Variants in APBB2 observed in about 807,000 individuals in gnomAD.
The protein encoded by APBB2 is amyloid beta precursor protein binding family B member 2.
Under a neutral mutation model 82.5 loss-of-function variants are expected in APBB2, and 38 were observed. The observed-to-expected ratio is 0.46, with a 90% CI of 0.36 to 0.60. The LOEUF (loss-of-function observed/expected upper bound fraction) is 0.60. Ranked by LOEUF, APBB2 falls within the 20% of genes least tolerant of loss-of-function variation. The probability of loss-of-function intolerance (pLI) is 0.00; values close to 1 mark genes in which losing one functional copy is unlikely to be tolerated. For missense variants in APBB2, 772 were observed against 972.3 expected, an observed-to-expected ratio of 0.79 and a Z score of 2.74; for synonymous variants, 341 against 368.2, an observed-to-expected ratio of 0.93 and a Z score of 0.85.
At chr4:40,909,967 G>A (rs1778099439) in intron 10 of APBB2, among the ~76,000 whole-genome samples, 1 of 152,170 alleles carries the variant, frequency 6.6e-6, no homozygotes, top group African/African-American at 2.4e-5. Context: ...AGGGAACTTA[G>A]TTGAATTGTC....
At chr4:40,922,816 C>G (rs879554221) in intron 10 of APBB2, among the ~76,000 whole-genome samples, 3 of 150,388 alleles carry the variant, frequency 2.0e-5, no homozygotes, top group African/African-American at 7.4e-5. Flanking sequence ...AGGGGGCTCA[C>G]TATGTTGGCC....
chr4:41,050,292 AAG>A (rs1725462385), intron 4 of APBB2, among the ~76,000 whole-genome samples: 1 of 152,216 alleles, frequency 6.6e-6, no homozygotes, highest in East Asian at 1.9e-4. Context: ...ACAAGGAGAT[AAG>A]AGAGATGCTT....
At chr4:40,882,718 G>A (rs1769006883) in intron 12 of APBB2, among the ~76,000 whole-genome samples, 1 of 152,184 alleles carries the variant, frequency 6.6e-6, no homozygotes, top group African/African-American at 2.4e-5. Flanking sequence ...TCACAAAGCT[G>A]AGCGGGGAAG....
At chr4:41,192,422 CT>C (rs1176637082) in intron 1 of APBB2, among the ~76,000 whole-genome samples, 2 of 152,124 alleles carry the variant, frequency 1.3e-5, no homozygotes, top group African/African-American at 4.8e-5. Context: ...GATAAAGAAA[CT>C]GTGATATATT....
rs1784962275 is a variant in APBB2 at position 40,934,611 on chromosome 4, T to C, written c.1193+3A>G. The C allele has an allele frequency of 1.9e-6, 3 of 1,613,258 alleles. No individual in the cohort carries two copies. The highest frequency in any genetic ancestry group is 2.5e-6 in the Non-Finnish European group (3 of 1,179,168). ...CAGCAGGTCGATCCTACTAATGTCC[T>C]ACCTGAGTTTCAAAGATGCATAGCG... On this transcript the variant is annotated splice_donor_region_variant and intron_variant, in intron 9 of 17. Coordinates refer to ENST00000508593, the MANE Select transcript of APBB2 (RefSeq NM_004307.2).
chr4:41,093,226 A>T (rs1273893639), intron 3 of APBB2, among the ~76,000 whole-genome samples: 1 of 152,218 alleles, frequency 6.6e-6, no homozygotes, highest in African/African-American at 2.4e-5. Context: ...ACTCAGGCAC[A>T]CAGAGCATGA....
chr4:41,069,082 C>T (rs148420464), intron 3 of APBB2, among the ~76,000 whole-genome samples: 2 of 152,136 alleles, frequency 1.3e-5, no homozygotes, highest in African/African-American at 4.8e-5. Context: ...GCGTGAGCCA[C>T]CATGCCTGGC....
chr4:41,033,147 A>G lies in APBB2; in HGVS notation c.19+89T>C. The G allele has an allele frequency of 3.5e-6, 3 of 862,860 alleles. No homozygotes were observed. In the East Asian group the frequency reaches 8.0e-5, roughly 23 times the overall value. The allele number at this position is 862,860 out of a possible 1,614,324, so 53.5% of individuals were successfully genotyped here. On this transcript the variant is annotated intron_variant, in intron 5 of 17. Transcript: ENST00000508593. ...ATTAAAAAACATGTTATTTTAGCAA[A>G]TCATAAGTTTAACATTAAACATTAT...
Position 40,906,058 on chromosome 4 carries a change from C to G in APBB2, c.1255-12647G>C, listed in dbSNP as rs573428232. Among the ~76,000 whole-genome samples, 176 of 152,292 alleles carry G rather than the reference C, an allele frequency of 1.2e-3. 1 individual carries two copies. The Middle Eastern group carries it at 0.031, about 26-fold the overall frequency. ...TTGTGTAGCATTAAAGTCATGACATCAACATGCTTTCCTTTTAAGACACAA... is the reference window on the plus strand; with the variant it reads ...TTGTGTAGCATTAAAGTCATGACATGAACATGCTTTCCTTTTAAGACACAA... On this transcript the variant is annotated intron_variant, in intron 10 of 17. Transcript: ENST00000508593.
chr4:41,016,472 A>G (rs1304949827), intron 5 of APBB2, among the ~76,000 whole-genome samples: 3 of 151,828 alleles, frequency 2.0e-5, no homozygotes, highest in Admixed American at 6.6e-5. Flanking sequence ...GACCAGCCTG[A>G]CCAACATGGA....
intron 12 of APBB2, chr4:40,842,450 C>G (rs371524283): frequency 2.3e-6 from 1 of 442,362 alleles, no homozygotes; most frequent in East Asian, 7.1e-5. Flanking sequence ...GCCAATAACA[C>G]AGCCCCGTTA....
intron 2 of APBB2, among the ~76,000 whole-genome samples, chr4:41,137,714 G>A (rs891902566): frequency 5.3e-5 from 8 of 152,122 alleles, no homozygotes; most frequent in African/African-American, 1.9e-4. Context: ...CCTTACATTT[G>A]TGGTCAATTG....
At chr4:41,149,282 T>TA (rs199630989) in intron 1 of APBB2, among the ~76,000 whole-genome samples, 6 of 151,596 alleles carry the variant, frequency 4.0e-5, no homozygotes, top group South Asian at 4.2e-4. Flanking sequence ...TTTTAAAGAT[T>TA]AAAAAAAAAT....
chr4:41,005,033 G>C (rs1350058976), intron 6 of APBB2, among the ~76,000 whole-genome samples: 1 of 152,108 alleles, frequency 6.6e-6, no homozygotes, highest in African/African-American at 2.4e-5. Flanking sequence ...CATGGATGTA[G>C]AGCTGTTCGA....
At chr4:41,017,524 A>G (rs16852702) in intron 5 of APBB2, among the ~76,000 whole-genome samples, 6,974 of 152,318 alleles carry the variant, frequency 0.046, 337 homozygotes, top group African/African-American at 0.12. Context: ...AGACCTATCC[A>G]ACCTACTTCC....
Position 41,127,817 on chromosome 4 carries a change from T to C in APBB2, c.-261+15170A>G, listed in dbSNP as rs1754807706. 6.6e-6 allele frequency among the ~76,000 whole-genome samples: 1 copy of C among 152,002 alleles called. No individual in the cohort carries two copies. On this transcript the variant is annotated intron_variant, in intron 2 of 17. Coordinates refer to ENST00000508593, the MANE Select transcript of APBB2 (RefSeq NM_004307.2). The surrounding 1 kb of genome is among the most constrained non-coding windows in gnomAD (Gnocchi z 4.8). ...CCAAAAGGCCAGGGGCGATGGCTCATGCTTGTAATCCCAGCACTTTGGGAG... is the reference window on the plus strand; with the variant it reads ...CCAAAAGGCCAGGGGCGATGGCTCACGCTTGTAATCCCAGCACTTTGGGAG...
intron 4 of APBB2, among the ~76,000 whole-genome samples, chr4:41,044,993 A>G (rs868422385): frequency 1.9e-4 from 29 of 151,610 alleles, no homozygotes; most frequent in African/African-American, 6.8e-4. Context: ...TTATTTGTCA[A>G]CTTTTCCCAA....
At chr4:40,890,322 A>T (rs772704560) in intron 12 of APBB2, 42 bp downstream of exon 12, 9 of 1,589,468 alleles carry the variant, frequency 5.7e-6, no homozygotes. Flanking sequence ...TAGACCAGGG[A>T]CACGGGTGAG....
At chr4:41,159,339 T>C (rs894172612) in intron 1 of APBB2, among the ~76,000 whole-genome samples, 10 of 152,172 alleles carry the variant, frequency 6.6e-5, no homozygotes, top group Non-Finnish European at 1.3e-4. Flanking sequence ...AAAATAACCC[T>C]ATCTACCTCA....
Sources: allele counts gnomAD v4.1 joint callset (sites outside exome capture counted in the v4.1 genomes callset), GRCh38; gene constraint gnomAD v4.1.1; non-coding constraint Gnocchi (gnomAD v3.1); transcripts MANE v1.5; gene names NCBI Gene and HGNC (gene_info 2026-07-23, HGNC 2026-07-21).